The following YTHDF2 variants were observed in gnomAD, a reference collection of about 807,000 sequenced individuals.
The protein encoded by YTHDF2 is YTH N6-methyladenosine RNA binding protein F2.
Under a neutral mutation model 50.4 loss-of-function variants are expected in YTHDF2, and 2 were observed. The ratio of observed to expected loss-of-function variants is 0.04; its 90% confidence interval spans 0.02 to 0.12. The LOEUF is 0.12. YTHDF2 is among the 10% of genes least tolerant of loss of function. The probability of loss-of-function intolerance (pLI) is 1.00; values close to 1 mark genes in which losing one functional copy is unlikely to be tolerated. For synonymous variants in YTHDF2, 217 were observed against 255.6 expected, an observed-to-expected ratio of 0.85 and a Z score of 1.44; for missense variants, 483 against 722.6, an observed-to-expected ratio of 0.67 and a Z score of 3.80.
intron 4 of YTHDF2, among the ~76,000 whole-genome samples, chr1:28,746,758 TAAAC>T (rs1466640519): frequency 6.6e-6 from 1 of 150,502 alleles, no homozygotes; most frequent in African/African-American, 2.5e-5. Flanking sequence ...AGACTCTGTC[TAAAC>T]AAACAAGTAG....
Position 28,768,978 on chromosome 1 carries a change from A to G in YTHDF2, c.*26A>G. 1 of 1,569,256 alleles carries G rather than the reference A, an allele frequency of 6.4e-7. No individual in the cohort carries two copies. Among genetic ancestry groups the G allele is most frequent in the Non-Finnish European group, 8.7e-7 (1 of 1,155,560 alleles). On this transcript the variant is annotated 3_prime_UTR_variant, in exon 5 of 5. Transcript: ENST00000373812. ...AAGGCAGTTCTACACAGACTGCAGC[A>G]ACGGTTGCATCTGCATATCCTAAGA...
rs982349515 is a variant in YTHDF2 at position 28,742,398 on chromosome 1, C to T, written c.133-5C>T. The T allele has an allele frequency of 3.3e-6, 5 of 1,526,308 alleles. No homozygotes were observed. The highest frequency in any genetic ancestry group is 2.6e-5 in the South Asian group (2 of 77,462). The allele number at this position is 1,526,308 out of a possible 1,614,324, so 94.5% of individuals were successfully genotyped here. A position where few individuals can be genotyped will look rare whatever the true frequency, so the allele number is the denominator to read the frequency against. ...TTTTGATTTGCCTTTTTTTTTCTTC[C>T]ACAGAATAATGCATATACTGCCATG... is the stretch of plus-strand genomic sequence containing the variant. On this transcript the variant is annotated splice_polypyrimidine_tract_variant and splice_region_variant and intron_variant, in intron 3 of 4. Coordinates refer to ENST00000373812, the MANE Select transcript of YTHDF2 (RefSeq NM_016258.3).
chr1:28,763,078 C>T (rs968371178), intron 4 of YTHDF2, among the ~76,000 whole-genome samples: 4 of 152,118 alleles, frequency 2.6e-5, no homozygotes, highest in Non-Finnish European at 5.9e-5. Context: ...CCACCTGCCT[C>T]GGCCTCCCAA....
At chr1:28,760,443 C>G (rs1000165075) in intron 4 of YTHDF2, among the ~76,000 whole-genome samples, 28 of 151,356 alleles carry the variant, frequency 1.8e-4, no homozygotes, top group Non-Finnish European at 1.0e-4. Context: ...TACAGGCGCC[C>G]GCCACCAAAC....
chr1:28,749,986 G>GTTTTTTTTTTTTTTT (rs371730633), intron 4 of YTHDF2, among the ~76,000 whole-genome samples: 1 of 78,332 alleles, frequency 1.3e-5, no homozygotes, highest in Non-Finnish European at 2.2e-5. Flanking sequence ...AAAAAAGGTT[G>GTTTTTTTTTTTTTTT]TTTTTTTTTT....
At chr1:28,736,794 G>A, upstream of YTHDF2, 1 of 339,514 alleles carries the variant, frequency 2.9e-6, no homozygotes, top group Non-Finnish European at 5.4e-6. Flanking sequence ...CTTCGCGCCG[G>A]GCCCCTTCCG....
intron 4 of YTHDF2, among the ~76,000 whole-genome samples, 162 bp from the exon 5 acceptor site, chr1:28,768,767 A>G (rs554271641): frequency 7.9e-5 from 12 of 152,314 alleles, no homozygotes; most frequent in Non-Finnish European, 1.5e-4. Context: ...AAACAAAGTA[A>G]AAGCCAGTTT....
intron 4 of YTHDF2, among the ~76,000 whole-genome samples, chr1:28,768,327 A>C (rs933294172): frequency 6.6e-6 from 1 of 152,170 alleles, no homozygotes. Flanking sequence ...GATTTATTTC[A>C]GGGAAAACAT....
At chr1:28,767,188 G>A (rs1009859542) in intron 4 of YTHDF2, among the ~76,000 whole-genome samples, 2 of 151,994 alleles carry the variant, frequency 1.3e-5, no homozygotes, top group African/African-American at 4.8e-5. Flanking sequence ...GACTTTTGAA[G>A]CAATATTGAA....
At chr1:28,760,305 G>C (rs2088100785) in intron 4 of YTHDF2, among the ~76,000 whole-genome samples, 1 of 138,998 alleles carries the variant, frequency 7.2e-6, no homozygotes, top group African/African-American at 2.7e-5. Flanking sequence ...GTGTGTGTGT[G>C]TGTGTGTGTG....
rs1482185981 is a variant in YTHDF2 at position 28,747,659 on chromosome 1, C to T, written c.1716+3673C>T. On this transcript the variant is annotated intron_variant, in intron 4 of 4. Coordinates refer to ENST00000373812, the MANE Select transcript of YTHDF2 (RefSeq NM_016258.3). ...GGTCTTGATCTCCTGACTTTGTGAT[C>T]CTCCCGCCTCTCCCTCCGAAAGTGC... 3.4e-5 allele frequency among the ~76,000 whole-genome samples: 5 copies of T among 145,888 alleles called. No homozygotes were observed. In the East Asian group the frequency reaches 6.7e-4, roughly 20 times the overall value.
chr1:28,741,297 C>A (rs548308120), intron 3 of YTHDF2, among the ~76,000 whole-genome samples: 1 of 152,096 alleles, frequency 6.6e-6, no homozygotes, highest in South Asian at 2.1e-4. Flanking sequence ...TGTGCCCGGC[C>A]TGTTTTTATT....
At chr1:28,748,254 T>A (rs2087894909) in intron 4 of YTHDF2, among the ~76,000 whole-genome samples, 1 of 152,218 alleles carries the variant, frequency 6.6e-6, no homozygotes. Context: ...TTCCTTAACA[T>A]CTTTACATAA....
chr1:28,744,926 A>T (rs940068448), intron 4 of YTHDF2, among the ~76,000 whole-genome samples: 1 of 152,110 alleles, frequency 6.6e-6, no homozygotes, highest in Non-Finnish European at 1.5e-5. Flanking sequence ...CTGCCTCCCA[A>T]AGTGCTGGGA....
At chr1:28,737,504 C>G (rs1325184350) in intron 1 of YTHDF2, 154 bp from the exon 2 acceptor site, 1 of 1,050,080 alleles carries the variant, frequency 9.5e-7, no homozygotes, top group East Asian at 2.8e-5. Flanking sequence ...TTTCCCCCGC[C>G]TCCCATTTTC....
At chr1:28,737,322 C>T (rs2087705725) in intron 1 of YTHDF2, 175 bp downstream of exon 1, 2 of 826,660 alleles carry the variant, frequency 2.4e-6, no homozygotes, top group Admixed American at 3.6e-5. Flanking sequence ...GCCTGTTCTT[C>T]CCGCTTCTCC....
rs747852747 is a variant in YTHDF2 at position 28,737,699 on chromosome 1, C to T, written c.52+17C>T. 3.8e-6 allele frequency: 6 copies of T among 1,594,654 alleles called. No individual in the cohort carries two copies. Among genetic ancestry groups the T allele is most frequent in the Non-Finnish European group, 4.3e-6 (5 of 1,169,258 alleles). Reference sequence around the variant, plus strand: ...GAAACAAAGGTAAGTCCCGCTCCGCCGGTGGCCCTGAGCCGGGAGGGGGAC... The same window carrying T: ...GAAACAAAGGTAAGTCCCGCTCCGCTGGTGGCCCTGAGCCGGGAGGGGGAC... On this transcript the variant is annotated intron_variant, in intron 2 of 4. Transcript: ENST00000373812.
At chr1:28,739,486 A>G (rs1273711913) in intron 3 of YTHDF2, among the ~76,000 whole-genome samples, 2 of 150,366 alleles carry the variant, frequency 1.3e-5, no homozygotes, top group Non-Finnish European at 3.0e-5. Context: ...TTTTGTAGAG[A>G]TGGGGGTTTC....
At chr1:28,768,432 A>T (rs369820685) in intron 4 of YTHDF2, among the ~76,000 whole-genome samples, 86 of 151,720 alleles carry the variant, frequency 5.7e-4, no homozygotes, top group African/African-American at 2.0e-3. Context: ...GGCTTTCTAT[A>T]TGTCAGCTTA....
Sources: allele counts gnomAD v4.1 joint callset (sites outside exome capture counted in the v4.1 genomes callset), GRCh38; gene constraint gnomAD v4.1.1; transcripts MANE v1.5; gene names NCBI Gene and HGNC (gene_info 2026-07-23, HGNC 2026-07-21).